The following NR1I2 variants were observed in gnomAD, a reference collection of about 807,000 sequenced individuals.
NR1I2 encodes nuclear receptor subfamily 1 group I member 2.
A neutral mutation model predicts 43.3 loss-of-function variants in NR1I2; 42 were observed. The observed-to-expected ratio is 0.97, with a 90% CI of 0.76 to 1.26. NR1I2 has a LOEUF of 1.26. NR1I2 is among the 50% of genes most tolerant of loss of function. NR1I2 has a pLI of 0.00. For missense variants in NR1I2, 559 were observed against 566.7 expected, an observed-to-expected ratio of 0.99 and a Z score of 0.14; for synonymous variants, 229 against 215.0, an observed-to-expected ratio of 1.06 and a Z score of -0.57.
At chr3:119,789,903 T>C (rs1279786833) in intron 1 of NR1I2, among the ~76,000 whole-genome samples, 1 of 152,240 alleles carries the variant, frequency 6.6e-6, no homozygotes, top group Non-Finnish European at 1.5e-5. Flanking sequence ...TTGTAAAATA[T>C]ACAGAAGGAG....
chr3:119,791,932 T>A (rs530606652), intron 1 of NR1I2: 1 of 661,456 alleles, frequency 1.5e-6, no homozygotes, highest in East Asian at 3.1e-5. Flanking sequence ...AGAACTGTCA[T>A]CTTTGACCGA....
At chr3:119,785,033 G>A (rs149609813) in intron 1 of NR1I2, among the ~76,000 whole-genome samples, 2 of 152,150 alleles carry the variant, frequency 1.3e-5, no homozygotes, top group African/African-American at 2.4e-5. Context: ...TAAGAGTTTT[G>A]CTCCTTCCTT....
chr3:119,785,901 T>G (rs983286183), intron 1 of NR1I2, among the ~76,000 whole-genome samples: 13 of 152,248 alleles, frequency 8.5e-5, no homozygotes, highest in Admixed American at 5.9e-4. Flanking sequence ...ATTCTAATGC[T>G]TCTCCAATAA....
At position 119,790,381 on chromosome 3, in the gene NR1I2, A is replaced by G. The variant is rs550954049; in HGVS notation, c.-23+8081A>G. On this transcript the variant is annotated intron_variant, in intron 1 of 8. Transcript: ENST00000393716. ...CTGCTGTGAACATCAGTGTACAAAT[A>G]TCTCTTCAAGACCCCGATTTCAGTT... Among the ~76,000 whole-genome samples, 6 of 152,336 alleles carry G rather than the reference A, an allele frequency of 3.9e-5. No individual in the cohort carries two copies. The South Asian group carries it at 1.2e-3, about 32-fold the overall frequency.
At chr3:119,813,715 T>C (rs912157210) in intron 5 of NR1I2, among the ~76,000 whole-genome samples, 5 of 152,024 alleles carry the variant, frequency 3.3e-5, no homozygotes. Context: ...GCGTGACTTA[T>C]TTAATGGGGT....
At chr3:119,804,393 TATATATTTACATTTA>T (rs1442312805) in intron 1 of NR1I2, among the ~76,000 whole-genome samples, 1 of 149,034 alleles carries the variant, frequency 6.7e-6, no homozygotes, top group African/African-American at 2.4e-5. Flanking sequence ...TATATATACA[TATATATTTACATTTA>T]ATATATTTAC....
rs1319567734 is a variant in NR1I2 at position 119,804,500 on chromosome 3, A to G, written c.-22-2729A>G. 2.2e-5 allele frequency among the ~76,000 whole-genome samples: 3 copies of G among 138,158 alleles called. No homozygotes were observed. The Admixed American group carries it at 2.3e-4, about 11-fold the overall frequency. 90.6% of individuals were successfully genotyped at this position (138,158 alleles called of 152,430 possible). On this transcript the variant is annotated intron_variant, in intron 1 of 8. Coordinates refer to ENST00000393716, the MANE Select transcript of NR1I2 (RefSeq NM_003889.4). ...GTTCTTATCGTCCAGGCTGGAGTGCAGTGGCGCGATTTCGGCTCACTGCAG... is the reference window on the plus strand; with the variant it reads ...GTTCTTATCGTCCAGGCTGGAGTGCGGTGGCGCGATTTCGGCTCACTGCAG...
chr3:119,803,044 C>T lies in NR1I2; in HGVS notation c.-22-4185C>T, dbSNP rs115020027. 465 of 440,368 alleles carry T rather than the reference C, an allele frequency of 1.1e-3. 3 individuals carry two copies. Among genetic ancestry groups the T allele is most frequent in the African/African-American group, 8.4e-3 (419 of 49,624 alleles). 27.3% of individuals were successfully genotyped at this position (440,368 alleles called of 1,614,324 possible). The stretch of plus-strand genomic sequence containing the variant: ...TGAGTTAGTGTCCTCATGAATGAGA[C>T]CCCAGAGGCCGGGTGTGGTGGCTCA... On this transcript the variant is annotated intron_variant, in intron 1 of 8. Coordinates refer to ENST00000393716, the MANE Select transcript of NR1I2 (RefSeq NM_003889.4).
At chr3:119,810,666 G>A (rs1356042135) in intron 3 of NR1I2, 1 of 171,570 alleles carries the variant, frequency 5.8e-6, no homozygotes, top group Non-Finnish European at 1.3e-5. Flanking sequence ...GGTGACATGA[G>A]GTGTTCTCAT....
intron 1 of NR1I2, among the ~76,000 whole-genome samples, chr3:119,788,790 TTTGA>T (rs1352715374): frequency 1.3e-5 from 2 of 152,332 alleles, no homozygotes; most frequent in South Asian, 2.1e-4. Flanking sequence ...CACATATCTC[TTTGA>T]TTATTTATTT....
intron 1 of NR1I2, chr3:119,782,876 GA>G (rs1481936281): frequency 1.6e-5 from 25 of 1,580,042 alleles, no homozygotes; most frequent in Non-Finnish European, 2.2e-5. Context: ...CTCTACTATT[GA>G]AAGGGCACCT....
At chr3:119,813,610 A>G (rs1553719267) in intron 5 of NR1I2, among the ~76,000 whole-genome samples, 1 of 152,040 alleles carries the variant, frequency 6.6e-6, no homozygotes, top group Non-Finnish European at 1.5e-5. Flanking sequence ...TGGGGCTGAA[A>G]CACACCTGCC....
chr3:119,807,891 A>G (rs1044028996), intron 2 of NR1I2, among the ~76,000 whole-genome samples: 18 of 152,148 alleles, frequency 1.2e-4, no homozygotes, highest in African/African-American at 4.3e-4. Flanking sequence ...CTCCAGGTGC[A>G]CCCTCCGGAG....
chr3:119,812,386 A>G (rs1481270402), intron 4 of NR1I2, among the ~76,000 whole-genome samples: 1 of 152,132 alleles, frequency 6.6e-6, no homozygotes, highest in East Asian at 1.9e-4. Context: ...GCTTGGGATG[A>G]CACACCATGG....
rs2055347062 is a variant in NR1I2 at position 119,817,468 on chromosome 3, A to G, written c.*256A>G. The stretch of plus-strand genomic sequence containing the variant: ...AGAGTGCACTGACCTGTAGGTCAGG[A>G]CCATCAGAGAGGCAAGGTTGCCCTT... On this transcript the variant is annotated 3_prime_UTR_variant, in exon 9 of 9. Coordinates refer to ENST00000393716, the MANE Select transcript of NR1I2 (RefSeq NM_003889.4). The G allele has an allele frequency of 1.1e-5, 15 of 1,350,876 alleles. 1 individual carries two copies. The South Asian group carries it at 2.0e-4, about 18-fold the overall frequency. 83.7% of individuals were successfully genotyped at this position (1,350,876 alleles called of 1,614,324 possible).
At chr3:119,782,768 C>G in intron 1 of NR1I2, 3 of 1,613,896 alleles carry the variant, frequency 1.9e-6, no homozygotes, top group Non-Finnish European at 2.5e-6. Context: ...ATGACAGTCA[C>G]CAGGACTCAC....
chr3:119,816,549 C>T (rs572216575), intron 8 of NR1I2, among the ~76,000 whole-genome samples: 1 of 152,264 alleles, frequency 6.6e-6, no homozygotes, highest in African/African-American at 2.4e-5. Flanking sequence ...AGCTGGGTGT[C>T]GTGGCTCACA....
chr3:119,783,407 G>T (rs932895089), intron 1 of NR1I2, among the ~76,000 whole-genome samples: 1 of 151,988 alleles, frequency 6.6e-6, no homozygotes, highest in African/African-American at 2.4e-5. Context: ...GGCCATGTGG[G>T]AGAGGAATAG....
At chr3:119,789,512 C>T (rs2054889281) in intron 1 of NR1I2, among the ~76,000 whole-genome samples, 1 of 152,198 alleles carries the variant, frequency 6.6e-6, no homozygotes, top group Non-Finnish European at 1.5e-5. Flanking sequence ...GCCATGAGAA[C>T]AGTATTGGGG....
Sources: allele counts gnomAD v4.1 joint callset (sites outside exome capture counted in the v4.1 genomes callset), GRCh38; gene constraint gnomAD v4.1.1; transcripts MANE v1.5; gene names NCBI Gene and HGNC (gene_info 2026-07-23, HGNC 2026-07-21).